KCNIP4: variants seen among roughly 807,000 people sequenced by gnomAD.
The protein encoded by KCNIP4 is Kv channel-interacting protein 4.
A neutral mutation model predicts 34.0 loss-of-function variants in KCNIP4; 12 were observed. That is an observed-to-expected ratio of 0.35 (90% CI 0.23 to 0.57). KCNIP4 has a LOEUF of 0.57. Ranked by LOEUF, KCNIP4 falls within the 20% of genes least tolerant of loss-of-function variation. KCNIP4 has a pLI of 0.83. For synonymous variants in KCNIP4, 124 were observed against 102.2 expected (o/e 1.21, Z -1.29); for missense variants, 238 against 311.7 (o/e 0.76, Z 1.78).
intron 1 of KCNIP4, among the ~76,000 whole-genome samples, chr4:21,459,356 G>C (rs747239885): frequency 2.6e-5 from 4 of 152,024 alleles, no homozygotes; most frequent in Non-Finnish European, 4.4e-5. Context: ...AACTGTATTA[G>C]TTTTCCTATT....
intron 1 of KCNIP4, among the ~76,000 whole-genome samples, chr4:21,233,307 G>C (rs771435802): frequency 6.6e-6 from 1 of 152,058 alleles, no homozygotes; most frequent in Non-Finnish European, 1.5e-5. Context: ...ATGTCCAAGG[G>C]GGGAGGCCCA....
At chr4:21,322,403 T>C (rs1301665339) in intron 1 of KCNIP4, among the ~76,000 whole-genome samples, 3 of 152,162 alleles carry the variant, frequency 2.0e-5, no homozygotes, top group African/African-American at 7.2e-5. Context: ...TTACTCCTAT[T>C]AAGTCCAGGG....
At chr4:21,585,175 T>G (rs1006609819) in intron 1 of KCNIP4, among the ~76,000 whole-genome samples, 1 of 152,036 alleles carries the variant, frequency 6.6e-6, no homozygotes, top group African/African-American at 2.4e-5. Flanking sequence ...AACTGACATT[T>G]CTCATGACAG....
intron 1 of KCNIP4, among the ~76,000 whole-genome samples, chr4:20,892,362 T>G (rs1213411470): frequency 6.6e-6 from 1 of 152,192 alleles, no homozygotes; most frequent in African/African-American, 2.4e-5. Flanking sequence ...CTACTCTCTG[T>G]CAGCCTTTCC....
At chr4:20,750,125 G>A (rs1753325725) in intron 4 of KCNIP4, among the ~76,000 whole-genome samples, 2 of 152,146 alleles carry the variant, frequency 1.3e-5, no homozygotes, top group Non-Finnish European at 2.9e-5. Flanking sequence ...AGACAGAGAT[G>A]AGTTGCTATT....
At chr4:21,636,509 A>G (rs1237325132) in intron 1 of KCNIP4, among the ~76,000 whole-genome samples, 13 of 152,136 alleles carry the variant, frequency 8.5e-5, no homozygotes, top group Non-Finnish European at 1.9e-4. Context: ...GAACCTTTCT[A>G]TTGTACATTG....
intron 3 of KCNIP4, among the ~76,000 whole-genome samples, chr4:20,820,934 G>A (rs2149444915): frequency 1.3e-5 from 2 of 152,290 alleles, no homozygotes. Context: ...GCTAACTGCT[G>A]GTGCACAGAG....
intron 1 of KCNIP4, among the ~76,000 whole-genome samples, chr4:21,523,404 T>C (rs150718665): frequency 1.8e-4 from 28 of 152,278 alleles, no homozygotes; most frequent in African/African-American, 6.5e-4. Flanking sequence ...TGATATGATT[T>C]AGTCATAAAT....
At chr4:21,210,573 A>T (rs537941416) in intron 1 of KCNIP4, among the ~76,000 whole-genome samples, 1 of 152,344 alleles carries the variant, frequency 6.6e-6, no homozygotes, top group East Asian at 1.9e-4. Context: ...AGTAGGTTTT[A>T]TCTAATAACT....
At chr4:21,044,740 T>G (rs1742290944) in intron 1 of KCNIP4, among the ~76,000 whole-genome samples, 1 of 152,158 alleles carries the variant, frequency 6.6e-6, no homozygotes, top group Non-Finnish European at 1.5e-5. Flanking sequence ...CCTGGGACTC[T>G]TTCTCTGCCT....
At chr4:21,884,218 T>A (rs1726628398) in intron 1 of KCNIP4, among the ~76,000 whole-genome samples, 1 of 152,154 alleles carries the variant, frequency 6.6e-6, no homozygotes, top group Non-Finnish European at 1.5e-5. Flanking sequence ...GGCGGCATAA[T>A]GGCCAGTTCT....
intron 1 of KCNIP4, among the ~76,000 whole-genome samples, chr4:21,623,045 C>A (rs978210322): frequency 6.6e-6 from 1 of 152,182 alleles, no homozygotes; most frequent in Middle Eastern, 3.2e-3. Context: ...TGAGCTTAGC[C>A]AACTACAATA....
intron 1 of KCNIP4, among the ~76,000 whole-genome samples, chr4:21,591,866 T>C (rs2109097058): frequency 6.6e-6 from 1 of 152,226 alleles, no homozygotes; most frequent in South Asian, 2.1e-4. Context: ...ACCTTTTAAC[T>C]CTGATAATGT....
intron 1 of KCNIP4, among the ~76,000 whole-genome samples, chr4:21,446,211 T>C (rs1349012733): frequency 3.3e-5 from 5 of 152,154 alleles, no homozygotes; most frequent in Non-Finnish European, 7.3e-5. Context: ...TGGAAGTCAG[T>C]GTGGCGATTC....
chr4:21,714,239 G>A lies in KCNIP4; in HGVS notation c.61+234332C>T, dbSNP rs116643567. ...GGCTGTATTTTCAAAGGCTCCTAGTGGTAAGTTCTCCCTCATAGCAGCTAG... is the reference window on the plus strand; with the variant it reads ...GGCTGTATTTTCAAAGGCTCCTAGTAGTAAGTTCTCCCTCATAGCAGCTAG... On this transcript the variant is annotated intron_variant, in intron 1 of 8. Transcript: ENST00000382152. 8.6e-3 allele frequency among the ~76,000 whole-genome samples: 1,309 copies of A among 152,190 alleles called. 21 individuals carry two copies. Among genetic ancestry groups the A allele is most frequent in the African/African-American group, 0.03 (1,240 of 41,512 alleles).
intron 1 of KCNIP4, among the ~76,000 whole-genome samples, chr4:21,034,358 G>A (rs74526271): frequency 0.014 from 2,182 of 152,286 alleles, 53 homozygotes; most frequent in South Asian, 0.054. Flanking sequence ...ATGGAAGGAT[G>A]TAGTTTGCTT....
At chr4:21,886,279 G>A (rs1726759422) in intron 1 of KCNIP4, among the ~76,000 whole-genome samples, 1 of 152,006 alleles carries the variant, frequency 6.6e-6, no homozygotes, top group Non-Finnish European at 1.5e-5. Context: ...GTGAAATTAA[G>A]CTCCAAAAGT....
intron 1 of KCNIP4, among the ~76,000 whole-genome samples, chr4:21,386,644 C>T (rs1722060938): frequency 6.6e-6 from 1 of 152,132 alleles, no homozygotes; most frequent in African/African-American, 2.4e-5. Flanking sequence ...TTACAAAATC[C>T]TACTTTCTAG....
At chr4:21,765,171 T>C (rs372564026) in intron 1 of KCNIP4, among the ~76,000 whole-genome samples, 38 of 102,164 alleles carry the variant, frequency 3.7e-4, no homozygotes, top group Non-Finnish European at 7.6e-4. Flanking sequence ...TTTTTTTTTT[T>C]CCGAGACAGA....
Sources: gnomAD v4.1 joint callset for allele counts (sites outside exome capture counted in the v4.1 genomes callset) on GRCh38, gnomAD v4.1.1 for gene constraint, MANE v1.5 for transcripts, NCBI Gene and HGNC (gene_info 2026-07-23, HGNC 2026-07-21) for gene names.